ZNF787: variants seen among roughly 807,000 people sequenced by gnomAD.
ZNF787 encodes zinc finger protein 787.
Under a neutral mutation model 16.9 loss-of-function variants are expected in ZNF787, and 7 were observed. That is an observed-to-expected ratio of 0.42 (90% CI 0.24 to 0.78). The LOEUF (loss-of-function observed/expected upper bound fraction) is 0.78, where lower values mean the gene tolerates loss of function less well. Among genes scored for constraint, ZNF787 ranks in the 30% least tolerant of loss-of-function variants. The probability of loss-of-function intolerance (pLI) is 0.30; values close to 1 mark genes in which losing one functional copy is unlikely to be tolerated. For missense variants in ZNF787, 551 were observed against 589.3 expected (o/e 0.94, Z 0.67); for synonymous variants, 345 against 270.9 (o/e 1.27, Z -2.69).
Position 56,088,027 on chromosome 19 carries a change from C to G in ZNF787, c.1145G>C (p.Arg382Pro), listed in dbSNP as rs1273650503. The G allele has an allele frequency of 3.3e-6, 4 of 1,203,324 alleles. No individual in the cohort carries two copies. Among genetic ancestry groups the G allele is most frequent in the Non-Finnish European group, 4.1e-6 (4 of 967,916 alleles). The allele number at this position is 1,203,324 out of a possible 1,614,324, so 74.5% of individuals were successfully genotyped here. Residue 382 changes from arginine (R) to proline (P), a missense_variant, in exon 3 of 3, where the codon CGG becomes CCG. This residue lies in a region of ZNF787 where 392 missense variants were observed against 312.7 expected (regional missense o/e 1.25). Transcript: ENST00000610935. This position sits in a 1 kb window ranked among gnomAD's most constrained non-coding sequence, Gnocchi z 8.6. ...CCCCCCCCCCGGGCCCCTCCCCTAC[C>G]GGCCCTCCCCACCGCGGCACTCGGG... ...RCPECRGGEG[R>P]
At chr19:56,114,307 C>T (rs1296630122) in intron 1 of ZNF787, among the ~76,000 whole-genome samples, 2 of 152,044 alleles carry the variant, frequency 1.3e-5, no homozygotes, top group Non-Finnish European at 2.9e-5. Flanking sequence ...TTGCCCCGGC[C>T]AGGCCTGGTC....
intron 1 of ZNF787, among the ~76,000 whole-genome samples, chr19:56,111,268 C>T (rs1443238234): frequency 1.3e-5 from 2 of 152,144 alleles, no homozygotes; most frequent in African/African-American, 4.8e-5. Context: ...GAGGGAGGGG[C>T]AGGCAGGGAC....
chr19:56,106,182 G>A (rs942017945), intron 1 of ZNF787, among the ~76,000 whole-genome samples: 3 of 152,170 alleles, frequency 2.0e-5, no homozygotes, highest in East Asian at 1.9e-4. Flanking sequence ...ACTTGCTGCC[G>A]TGTGCTCTGC....
intron 1 of ZNF787, among the ~76,000 whole-genome samples, chr19:56,112,090 G>A (rs1389057075): frequency 6.6e-6 from 1 of 152,104 alleles, no homozygotes; most frequent in African/African-American, 2.4e-5. Context: ...GCGGGGGCAT[G>A]GGACCCTCAC....
At chr19:56,107,894 C>T (rs963010574) in intron 1 of ZNF787, among the ~76,000 whole-genome samples, 6 of 150,020 alleles carry the variant, frequency 4.0e-5, no homozygotes, top group East Asian at 2.0e-4. Flanking sequence ...GCTTGAAGGC[C>T]GGGCATGCTG....
At chr19:56,095,383 C>T (rs1272425131) in intron 2 of ZNF787, among the ~76,000 whole-genome samples, 2 of 152,212 alleles carry the variant, frequency 1.3e-5, no homozygotes, top group Non-Finnish European at 1.5e-5. Flanking sequence ...GAAATGCCAT[C>T]CTGTCCCTTA....
rs73615758 is a variant in ZNF787 at position 56,117,955 on chromosome 19, C to T, written c.-11+3217G>A. ...GGACCCCCATTTAGCACAAGAGAGA[C>T]GTCCACACTCTGTGAGCCCAAAGGG... On this transcript the variant is annotated intron_variant, in intron 1 of 2. Coordinates refer to ENST00000610935, the MANE Select transcript of ZNF787 (RefSeq NM_001002836.4). Among the ~76,000 whole-genome samples the T allele has an allele frequency of 7.3e-3, 1,114 of 152,352 alleles. 18 individuals carry two copies. Among genetic ancestry groups the T allele is most frequent in the African/African-American group, 0.026 (1,071 of 41,566 alleles).
intron 1 of ZNF787, among the ~76,000 whole-genome samples, chr19:56,110,872 G>A (rs1042780304): frequency 3.9e-5 from 6 of 152,192 alleles, no homozygotes; most frequent in Admixed American, 1.3e-4. Flanking sequence ...GGGATCTGCC[G>A]CGAGCCAGGA....
At chr19:56,119,323 G>C (rs568949389) in intron 1 of ZNF787, among the ~76,000 whole-genome samples, 1 of 152,162 alleles carries the variant, frequency 6.6e-6, no homozygotes, top group South Asian at 2.1e-4. Context: ...ACTTGCTCTC[G>C]TTTTTAGACA....
chr19:56,088,047 C>T lies in ZNF787; in HGVS notation c.1125G>A (p.Glu375=), dbSNP rs549656614. ...DDEAAGGRCP[E]CRGGEGR is the part of the protein sequence containing the mutation. ...CCTACCGGCCCTCCCCACCGCGGCA[C>T]TCGGGGCACCGCCCGCCCGCGGCCT... Residue 375 remains glutamate (E), a synonymous_variant, in exon 3 of 3, where the codon GAG becomes GAA. Coordinates refer to ENST00000610935, the MANE Select transcript of ZNF787 (RefSeq NM_001002836.4). This position sits in a 1 kb window ranked among gnomAD's most constrained non-coding sequence, Gnocchi z 8.6. 7 of 1,374,884 alleles carry T rather than the reference C, an allele frequency of 5.1e-6. No individual in the cohort carries two copies. In the South Asian group the frequency reaches 6.3e-5, roughly 12 times the overall value. The allele number at this position is 1,374,884 out of a possible 1,614,324, so 85.2% of individuals were successfully genotyped here.
In ZNF787 at chr19:56,088,224, G is replaced by C. The variant is rs772279257; in HGVS notation, c.948C>G (p.Ala316=). 2 of 1,508,208 alleles carry C rather than the reference G, an allele frequency of 1.3e-6. No individual in the cohort carries two copies. Among genetic ancestry groups the C allele is most frequent in the East Asian group, 2.9e-5 (1 of 34,624 alleles). 93.4% of individuals were successfully genotyped at this position (1,508,208 alleles called of 1,614,324 possible). Residue 316 remains alanine (A), a synonymous_variant, in exon 3 of 3, where the codon GCC becomes GCG. Transcript: ENST00000610935. This position sits in a 1 kb window ranked among gnomAD's most constrained non-coding sequence, Gnocchi z 8.6. ...CCTCCCCGCACTCCACGCAGATGTGGGCCGGCTCCTCGCCCCCCGCCGCCC... is the reference window on the plus strand; with the variant it reads ...CCTCCCCGCACTCCACGCAGATGTGCGCCGGCTCCTCGCCCCCCGCCGCCC... ...GLGAAGGEEP[A]HICVECGEGF... is the part of the protein sequence containing the mutation.
chr19:56,096,689 G>A (rs1985886118), intron 2 of ZNF787, among the ~76,000 whole-genome samples: 1 of 152,100 alleles, frequency 6.6e-6, no homozygotes, highest in Non-Finnish European at 1.5e-5. Context: ...CTCCAGCCTG[G>A]GCAACAGAGT....
chr19:56,103,361 C>T (rs757149916), intron 1 of ZNF787, 134 bp from the exon 2 acceptor site: 42 of 691,946 alleles, frequency 6.1e-5, no homozygotes, highest in Non-Finnish European at 9.4e-5. Context: ...ACAGCACCTA[C>T]CCCAGGACAC....
rs897697664 is a variant in ZNF787, at chr19:56,087,849, A to C, written c.*174T>G. Reference sequence around the variant, plus strand: ...GAGGCGGAGAAGTGAACGGGCCCTAATACGCCCCAGTGCCCCCCCACGGAC... The same window carrying C: ...GAGGCGGAGAAGTGAACGGGCCCTACTACGCCCCAGTGCCCCCCCACGGAC... On this transcript the variant is annotated 3_prime_UTR_variant, in exon 3 of 3. Coordinates refer to ENST00000610935, the MANE Select transcript of ZNF787 (RefSeq NM_001002836.4). 4.6e-6 allele frequency: 5 copies of C among 1,075,344 alleles called. No individual in the cohort carries two copies. The highest frequency in any genetic ancestry group is 5.9e-6 in the Non-Finnish European group (5 of 841,400). The allele number at this position is 1,075,344 out of a possible 1,614,324, so 66.6% of individuals were successfully genotyped here. A position where few individuals can be genotyped will look rare whatever the true frequency, so the allele number is the denominator to read the frequency against.
At chr19:56,098,790 T>C (rs866245256) in intron 2 of ZNF787, among the ~76,000 whole-genome samples, 1 of 130,594 alleles carries the variant, frequency 7.7e-6, no homozygotes, top group South Asian at 2.6e-4. Flanking sequence ...CACCGGGTGA[T>C]TACGGCCGCA....
rs1428354517 is a variant in ZNF787, at chr19:56,088,482, G to A, written c.690C>T (p.Asp230=). 9.7e-6 allele frequency: 13 copies of A among 1,344,516 alleles called. No individual in the cohort carries two copies. Among genetic ancestry groups the A allele is most frequent in the South Asian group, 3.2e-5 (2 of 61,588 alleles). The allele number at this position is 1,344,516 out of a possible 1,614,324, so 83.3% of individuals were successfully genotyped here. ...CGCCCACGGGGATGGCGATCTCGCC[G>A]TCCGCCGCCACCGCCTCTTCGGGCC... ...AKGPEEAVAA[D]GEIAIPVGDG... The change falls in exon 3 of 3, where the codon GAC becomes GAT. Residue 230 remains aspartate, a synonymous_variant. Coordinates refer to ENST00000610935, the MANE Select transcript of ZNF787 (RefSeq NM_001002836.4). The surrounding 1 kb of genome is among the most constrained non-coding windows in gnomAD (Gnocchi z 8.6).
At chr19:56,117,677 G>T (rs1235187039) in intron 1 of ZNF787, among the ~76,000 whole-genome samples, 1 of 152,242 alleles carries the variant, frequency 6.6e-6, no homozygotes, top group Non-Finnish European at 1.5e-5. Flanking sequence ...GTCCCGCAGG[G>T]GGATCTGTGT....
chr19:56,095,260 A>C (rs912946882), intron 2 of ZNF787, among the ~76,000 whole-genome samples: 13 of 152,182 alleles, frequency 8.5e-5, no homozygotes, highest in Admixed American at 4.6e-4. Flanking sequence ...CACCTCCCCA[A>C]GTGTGGCCCA....
chr19:56,089,221 G>A (rs1985478217), intron 2 of ZNF787, 129 bp from the exon 3 acceptor site: 2 of 552,540 alleles, frequency 3.6e-6, no homozygotes, highest in Non-Finnish European at 5.9e-6. Flanking sequence ...TCCTCAGAGT[G>A]TGCATCACTC....
Sources: gnomAD v4.1 joint callset for allele counts (sites outside exome capture counted in the v4.1 genomes callset) on GRCh38, gnomAD v4.1.1 for gene constraint, gnomAD v4.1.1 regional missense constraint, Gnocchi (gnomAD v3.1) non-coding constraint, MANE v1.5 for transcripts, NCBI Gene and HGNC (gene_info 2026-07-23, HGNC 2026-07-21) for gene names.